Variants in NCK2 observed in about 807,000 individuals in gnomAD.
NCK2 encodes the protein NCK adaptor protein 2.
Under a neutral mutation model 33.9 loss-of-function variants are expected in NCK2, and 16 were observed. The ratio of observed to expected loss-of-function variants is 0.47; its 90% CI spans 0.32 to 0.72. The LOEUF is 0.72. Ranked by LOEUF, NCK2 falls within the 30% of genes least tolerant of loss-of-function variation. The pLI, the probability that NCK2 is intolerant of heterozygous loss-of-function variation, is 0.03. For missense variants in NCK2, 418 were observed against 537.3 expected, an observed-to-expected ratio of 0.78 and a Z score of 2.19; for synonymous variants, 273 against 239.9, an observed-to-expected ratio of 1.14 and a Z score of -1.27.
At chr2:105,765,136 G>A (rs1573565132) in intron 1 of NCK2, among the ~76,000 whole-genome samples, 1 of 152,028 alleles carries the variant, frequency 6.6e-6, no homozygotes, top group Non-Finnish European at 1.5e-5. Flanking sequence ...GGTTATGCCA[G>A]TTTTCAGTAG....
At chr2:105,830,691 G>GTGTGTGTGTGTGTTTGTA (rs1553458046) in intron 2 of NCK2, among the ~76,000 whole-genome samples, 1 of 147,092 alleles carries the variant, frequency 6.8e-6, no homozygotes, top group Admixed American at 6.8e-5. Context: ...GTGTGTGTGT[G>GTGTGTGTGTGTGTTTGTA]TGTGTGTGTG....
At chr2:105,843,810 T>C (rs1447206845) in intron 2 of NCK2, among the ~76,000 whole-genome samples, 1 of 152,216 alleles carries the variant, frequency 6.6e-6, no homozygotes, top group Non-Finnish European at 1.5e-5. Flanking sequence ...TTCATGTAGA[T>C]GCTTTGCCCT....
chr2:105,889,297 A>G (rs1277399080), intron 4 of NCK2, among the ~76,000 whole-genome samples: 1 of 152,236 alleles, frequency 6.6e-6, no homozygotes, highest in Non-Finnish European at 1.5e-5. Context: ...ACAGAATTGG[A>G]AAAGTATCCA....
chr2:105,863,824 G>A (rs979957895), intron 3 of NCK2, among the ~76,000 whole-genome samples: 1 of 152,164 alleles, frequency 6.6e-6, no homozygotes, highest in Non-Finnish European at 1.5e-5. Context: ...TAATCATTGA[G>A]TGACTTTGAA....
At chr2:105,767,396 G>C (rs187024438) in intron 1 of NCK2, among the ~76,000 whole-genome samples, 24 of 152,256 alleles carry the variant, frequency 1.6e-4, no homozygotes, top group Non-Finnish European at 3.2e-4. Flanking sequence ...TTTTGTGAAA[G>C]GTGTTCTTTA....
At chr2:105,794,673 TA>T (rs2104433048) in intron 1 of NCK2, among the ~76,000 whole-genome samples, 1 of 150,030 alleles carries the variant, frequency 6.7e-6, no homozygotes, top group East Asian at 2.0e-4. Context: ...TTTTGGACTT[TA>T]AAAAAGTTAA....
At chr2:105,839,159 G>A (rs1356285069) in intron 2 of NCK2, among the ~76,000 whole-genome samples, 1 of 152,190 alleles carries the variant, frequency 6.6e-6, no homozygotes, top group Non-Finnish European at 1.5e-5. Context: ...ATTCCAATGC[G>A]AAGACCCCAA....
intron 2 of NCK2, among the ~76,000 whole-genome samples, chr2:105,834,668 A>G (rs1307268015): frequency 6.6e-6 from 1 of 151,632 alleles, no homozygotes; most frequent in Non-Finnish European, 1.5e-5. Context: ...TTTCAATTTT[A>G]ATTTTTTTAT....
rs990187001 is a variant in NCK2 at position 105,788,682 on chromosome 2, A to AT, written c.-200-27741dup. Among the ~76,000 whole-genome samples, 13 of 152,088 alleles carry AT rather than the reference A, an allele frequency of 8.5e-5. 1 individual carries two copies. The highest frequency in any genetic ancestry group is 2.7e-4 in the African/African-American group (11 of 41,506). ...TAAGTGCCTTCTCCTAGAGTTTTCT[A>AT]TTTTTTTGTTTTCTTTCAATATGCT... On this transcript the variant is annotated intron_variant, in intron 1 of 4. Coordinates refer to ENST00000233154, the MANE Select transcript of NCK2 (RefSeq NM_003581.5).
At chr2:105,819,326 TA>T (rs35497405) in intron 2 of NCK2, among the ~76,000 whole-genome samples, 24,162 of 135,880 alleles carry the variant, frequency 0.18, 2,182 homozygotes, top group Non-Finnish European at 0.22. Context: ...CCGTTTTCTT[TA>T]AAAAAAAAAA....
At position 105,893,214 on chromosome 2, in the gene NCK2, G is replaced by A. The variant is rs1005906002; in HGVS notation, c.*38G>A. Reference sequence around the variant, plus strand: ...CCCACACTCGCCTCCCGGGCCCCACGGTGGAGCTGCCCGCCCGGCCTTGTG... The same window carrying A: ...CCCACACTCGCCTCCCGGGCCCCACAGTGGAGCTGCCCGCCCGGCCTTGTG... On this transcript the variant is annotated 3_prime_UTR_variant, in exon 5 of 5. Coordinates refer to ENST00000233154, the MANE Select transcript of NCK2 (RefSeq NM_003581.5). 9 of 1,531,660 alleles carry A rather than the reference G, an allele frequency of 5.9e-6. No homozygotes were observed. Among genetic ancestry groups the A allele is most frequent in the African/African-American group, 5.5e-5 (4 of 72,724 alleles). The allele number at this position is 1,531,660 out of a possible 1,614,324, so 94.9% of individuals were successfully genotyped here.
intron 3 of NCK2, among the ~76,000 whole-genome samples, chr2:105,871,559 G>A (rs1046536973): frequency 2.6e-5 from 4 of 151,908 alleles, no homozygotes; most frequent in South Asian, 2.1e-4. Context: ...GCAGTGGCGC[G>A]ATCTCGGCTC....
chr2:105,779,246 G>T (rs1340106194), intron 1 of NCK2, among the ~76,000 whole-genome samples: 1 of 146,762 alleles, frequency 6.8e-6, no homozygotes, highest in Non-Finnish European at 1.5e-5. Flanking sequence ...GACAGAGGTT[G>T]CAGTGAGCCG....
chr2:105,847,395 A>AT (rs1233635241), intron 2 of NCK2: 1 of 152,174 alleles, frequency 6.6e-6, no homozygotes, highest in Non-Finnish European at 1.5e-5. Flanking sequence ...AAAAGAAATG[A>AT]TGTGGGATAT....
chr2:105,818,819 A>T (rs1675609229), intron 2 of NCK2, among the ~76,000 whole-genome samples: 1 of 152,236 alleles, frequency 6.6e-6, no homozygotes, highest in African/African-American at 2.4e-5. Context: ...ATTAAAAGTT[A>T]GAATTTCCTC....
At chr2:105,873,530 A>C (rs1678106381) in intron 3 of NCK2, among the ~76,000 whole-genome samples, 1 of 152,160 alleles carries the variant, frequency 6.6e-6, no homozygotes, top group African/African-American at 2.4e-5. Flanking sequence ...TCCCACACCC[A>C]AAACCCTTGG....
chr2:105,764,282 G>A (rs748500339), intron 1 of NCK2, among the ~76,000 whole-genome samples: 1 of 152,256 alleles, frequency 6.6e-6, no homozygotes, highest in Non-Finnish European at 1.5e-5. Flanking sequence ...CACCCTGCAG[G>A]TTAAGGAGAG....
chr2:105,861,810 C>T (rs538227097), intron 3 of NCK2, among the ~76,000 whole-genome samples: 35 of 152,210 alleles, frequency 2.3e-4, no homozygotes, highest in Admixed American at 1.3e-3. Flanking sequence ...CCACCGCACC[C>T]GGCCAGTTTC....
At chr2:105,753,291 G>A (rs1689511123) in intron 1 of NCK2, among the ~76,000 whole-genome samples, 1 of 152,180 alleles carries the variant, frequency 6.6e-6, no homozygotes, top group African/African-American at 2.4e-5. Context: ...CTGGTACCTT[G>A]GAGGAGGGGA....
Sources: gnomAD v4.1 joint callset for allele counts (sites outside exome capture counted in the v4.1 genomes callset) on GRCh38, gnomAD v4.1.1 for gene constraint, MANE v1.5 for transcripts, NCBI Gene and HGNC (gene_info 2026-07-23, HGNC 2026-07-21) for gene names.